Variants in SCFD2 observed in about 807,000 individuals in gnomAD.
SCFD2 encodes sec1 family domain-containing protein 2.
In SCFD2, 54 loss-of-function variants were observed where a neutral mutation model predicts 58.9. The observed-to-expected ratio is 0.92, with a 90% confidence interval of 0.74 to 1.15. The LOEUF (loss-of-function observed/expected upper bound fraction) is 1.15, where lower values mean the gene tolerates loss of function less well. Among genes scored for constraint, SCFD2 ranks in the 50% most tolerant of loss-of-function variants. The pLI is 0.00. For synonymous variants in SCFD2, 321 were observed against 335.9 expected, an observed-to-expected ratio of 0.96 and a Z score of 0.49; for missense variants, 805 against 836.6, an observed-to-expected ratio of 0.96 and a Z score of 0.47.
intron 4 of SCFD2, among the ~76,000 whole-genome samples, chr4:53,257,684 A>G (rs1185998165): frequency 6.6e-6 from 1 of 152,146 alleles, no homozygotes; most frequent in Non-Finnish European, 1.5e-5. Flanking sequence ...CCCAGGAAAA[A>G]CCTTATCAAA....
chr4:53,298,846 G>C (rs780250681), intron 3 of SCFD2, among the ~76,000 whole-genome samples: 8 of 152,168 alleles, frequency 5.3e-5, no homozygotes, highest in Non-Finnish European at 2.9e-5. Flanking sequence ...GTCTGGAGTG[G>C]ACCTCCAGTA....
At chr4:53,176,424 G>A (rs561759677) in intron 4 of SCFD2, among the ~76,000 whole-genome samples, 10 of 152,230 alleles carry the variant, frequency 6.6e-5, no homozygotes, top group African/African-American at 2.4e-4. Flanking sequence ...AGATACCTTG[G>A]GGAGGAAATG....
chr4:53,192,775 T>C (rs546063712), intron 4 of SCFD2, among the ~76,000 whole-genome samples: 2 of 152,292 alleles, frequency 1.3e-5, no homozygotes, highest in African/African-American at 2.4e-5. Context: ...TGTCACTGTA[T>C]AGTAAATGCT....
At chr4:53,214,032 C>T (rs1030083107) in intron 4 of SCFD2, among the ~76,000 whole-genome samples, 2 of 152,142 alleles carry the variant, frequency 1.3e-5, no homozygotes, top group African/African-American at 4.8e-5. Context: ...GTATGTGCCA[C>T]ATTTTCTTAA....
intron 5 of SCFD2, among the ~76,000 whole-genome samples, chr4:52,965,103 C>A (rs939974028): frequency 2.0e-5 from 3 of 152,200 alleles, no homozygotes; most frequent in South Asian, 2.1e-4. Flanking sequence ...CGTCTACATG[C>A]CGTAACCATC....
chr4:53,354,688 A>G (rs565826685), intron 1 of SCFD2, among the ~76,000 whole-genome samples: 3 of 152,356 alleles, frequency 2.0e-5, no homozygotes, highest in African/African-American at 7.2e-5. Flanking sequence ...ATGAATGAAT[A>G]AATAAATAAC....
intron 5 of SCFD2, among the ~76,000 whole-genome samples, chr4:52,943,221 T>TAAACA (rs142354116): frequency 0.043 from 6,425 of 150,766 alleles, 210 homozygotes; most frequent in African/African-American, 0.091. Flanking sequence ...ACTCATGCCT[T>TAAACA]AAACAAAACA....
chr4:53,300,115 A>G (rs1326136712), intron 3 of SCFD2, among the ~76,000 whole-genome samples: 3 of 152,212 alleles, frequency 2.0e-5, no homozygotes, highest in African/African-American at 7.2e-5. Context: ...CCTTAAATGT[A>G]AATGGGCTAA....
chr4:53,181,503 T>A (rs547413138), intron 4 of SCFD2, among the ~76,000 whole-genome samples: 5 of 152,234 alleles, frequency 3.3e-5, no homozygotes, highest in African/African-American at 9.6e-5. Context: ...ATGGGATGTA[T>A]CTCAAAATGA....
At position 52,883,146 on chromosome 4, in the gene SCFD2, C is replaced by T. The variant is rs113648796; in HGVS notation, c.1962+2601G>A. 4.5e-4 allele frequency among the ~76,000 whole-genome samples: 69 copies of T among 152,298 alleles called. 1 individual carries two copies. In the South Asian group the frequency reaches 5.0e-3, roughly 11 times the overall value. ...AATGGAACTAGCACGCATCCCACTT[C>T]GTGTGTTGCTAGGGCAGCAAGGCAT... On this transcript the variant is annotated intron_variant, in intron 8 of 8. Transcript: ENST00000401642.
At chr4:52,971,051 T>A (rs971435191) in intron 5 of SCFD2, among the ~76,000 whole-genome samples, 27 of 151,862 alleles carry the variant, frequency 1.8e-4, no homozygotes, top group African/African-American at 5.3e-4. Context: ...GGTAGATAAA[T>A]CCACAAAGAT....
At chr4:53,091,611 G>A (rs1403563442) in intron 5 of SCFD2, among the ~76,000 whole-genome samples, 2 of 151,958 alleles carry the variant, frequency 1.3e-5, no homozygotes, top group Non-Finnish European at 2.9e-5. Flanking sequence ...TCCATAAAAT[G>A]TCAATTTAGC....
At chr4:53,064,647 T>C (rs1404977073) in intron 5 of SCFD2, among the ~76,000 whole-genome samples, 1 of 152,124 alleles carries the variant, frequency 6.6e-6, no homozygotes, top group Admixed American at 6.6e-5. Context: ...GGCTCTGTTA[T>C]TGAATAAGCT....
At chr4:52,938,061 C>T (rs1362247490) in intron 5 of SCFD2, among the ~76,000 whole-genome samples, 2 of 152,182 alleles carry the variant, frequency 1.3e-5, no homozygotes, top group African/African-American at 2.4e-5. Context: ...GCAAACAAAA[C>T]ATAAAAACTT....
chr4:53,354,869 T>A (rs1028636139), intron 1 of SCFD2, among the ~76,000 whole-genome samples: 29 of 152,182 alleles, frequency 1.9e-4, no homozygotes, highest in African/African-American at 7.0e-4. Context: ...CACTGTAGCC[T>A]TGAACTCTGA....
chr4:52,961,246 G>A (rs550572631), intron 5 of SCFD2, among the ~76,000 whole-genome samples: 1 of 152,258 alleles, frequency 6.6e-6, no homozygotes, highest in African/African-American at 2.4e-5. Context: ...ACTTTTGCTG[G>A]AACCATGGGA....
At chr4:53,020,644 T>G (rs1722324716) in intron 5 of SCFD2, among the ~76,000 whole-genome samples, 1 of 152,142 alleles carries the variant, frequency 6.6e-6, no homozygotes. Flanking sequence ...AGCACAGTCC[T>G]TTCCTTCCTG....
intron 4 of SCFD2, among the ~76,000 whole-genome samples, chr4:53,154,126 G>A (rs1334755241): frequency 4.6e-5 from 7 of 152,094 alleles, no homozygotes; most frequent in Admixed American, 4.6e-4. Context: ...ACATTCTCAA[G>A]TATTTTTATA....
chr4:52,988,792 T>C (rs1005619764), intron 5 of SCFD2, among the ~76,000 whole-genome samples: 3 of 152,226 alleles, frequency 2.0e-5, no homozygotes, highest in Admixed American at 1.3e-4. Context: ...ACAACCACTC[T>C]AGCAAGCTTT....
Sources: gnomAD v4.1 joint callset for allele counts (sites outside exome capture counted in the v4.1 genomes callset) on GRCh38, gnomAD v4.1.1 for gene constraint, MANE v1.5 for transcripts, NCBI Gene and HGNC (gene_info 2026-07-23, HGNC 2026-07-21) for gene names.